Variants in C2orf76 observed in about 807,000 individuals in gnomAD.
C2orf76 encodes chromosome 2 open reading frame 76.
Under a neutral mutation model 16.9 loss-of-function variants are expected in C2orf76, and 23 were observed. The ratio of observed to expected loss-of-function variants is 1.36; its 90% CI spans 0.98 to 1.93. The LOEUF (loss-of-function observed/expected upper bound fraction) is 1.93. C2orf76 is among the 30% of genes most tolerant of loss of function. The probability of loss-of-function intolerance (pLI) is 0.00; values close to 1 mark genes in which losing one functional copy is unlikely to be tolerated. For missense variants in C2orf76, 152 were observed against 152.6 expected, an observed-to-expected ratio of 1.00 and a Z score of 0.02; for synonymous variants, 48 against 52.3, an observed-to-expected ratio of 0.92 and a Z score of 0.35.
chr2:119,291,020 G>A, the C2orf76 span, among the ~76,000 whole-genome samples: 5 of 151,780 alleles, frequency 3.3e-5, no homozygotes, highest in Non-Finnish European at 7.4e-5. Context: ...ACACCGGCTC[G>A]GCCTCATCAG....
the C2orf76 span, among the ~76,000 whole-genome samples, chr2:119,281,953 A>C: frequency 6.6e-6 from 1 of 152,060 alleles, no homozygotes; most frequent in African/African-American, 2.4e-5. Context: ...CATGTTGTAC[A>C]TGTTCTGGAA....
chr2:119,302,388 A>T lies in C2orf76; in HGVS notation c.*84T>A. On this transcript the variant is annotated 3_prime_UTR_variant, in exon 6 of 6. Coordinates refer to ENST00000334816, the MANE Select transcript of C2orf76 (RefSeq NM_001322331.2). ...AGTATAGCCTGGGATTAATTTTTTA[A>T]GATTTGTTTGTCAATTTCAAAAATT... 1 of 591,238 alleles carries T rather than the reference A, an allele frequency of 1.7e-6. No individual in the cohort carries two copies. The highest frequency in any genetic ancestry group is 1.9e-5 in the African/African-American group (1 of 51,514). The allele number at this position is 591,238 out of a possible 1,614,324, so 36.6% of individuals were successfully genotyped here.
At position 119,361,469 on chromosome 2, in the gene C2orf76, C is replaced by T. The variant is rs574955296; in HGVS notation, c.-13+5321G>A. ...AGGTGAAAATATCCTGGGAAGAAAA[C>T]GATAAAAAAATACGGATACACACAC... On this transcript the variant is annotated intron_variant, in intron 1 of 5. Transcript: ENST00000334816. Among the ~76,000 whole-genome samples the T allele has an allele frequency of 1.3e-3, 199 of 151,724 alleles. 1 individual carries two copies. The highest frequency in any genetic ancestry group is 4.6e-3 in the African/African-American group (192 of 41,324).
Position 119,302,291 on chromosome 2 carries a change from A to G in C2orf76, c.*181T>C. On this transcript the variant is annotated 3_prime_UTR_variant, in exon 6 of 6. Transcript: ENST00000334816. ...TGTTTTTCTCATAATATATTATTTT[A>G]CAACAACAAAGAAAAAGAAAGAGAG... The G allele has an allele frequency of 2.6e-6, 1 of 380,448 alleles. No homozygotes were observed. Among genetic ancestry groups the G allele is most frequent in the Non-Finnish European group, 4.7e-6 (1 of 214,380 alleles). The allele number at this position is 380,448 out of a possible 1,614,324, so 23.6% of individuals were successfully genotyped here.
chr2:119,292,768 C>A, the C2orf76 span, among the ~76,000 whole-genome samples: 1 of 152,162 alleles, frequency 6.6e-6, no homozygotes, highest in Admixed American at 6.5e-5. Flanking sequence ...GGTGCGGTGG[C>A]TCATGCCTGT....
chr2:119,332,224 T>A (rs1473797122), intron 2 of C2orf76, among the ~76,000 whole-genome samples: 1 of 152,130 alleles, frequency 6.6e-6, no homozygotes, highest in Non-Finnish European at 1.5e-5. Context: ...AATTTGTAAC[T>A]TATTATTGGA....
At chr2:119,299,546 A>T (rs1044250065), downstream of C2orf76, among the ~76,000 whole-genome samples, 1 of 152,176 alleles carries the variant, frequency 6.6e-6, no homozygotes, top group Admixed American at 6.5e-5. Context: ...TGGAGGCTAC[A>T]AGTCTGAAAT....
intron 2 of C2orf76, among the ~76,000 whole-genome samples, chr2:119,331,967 G>A (rs780090764): frequency 9.9e-5 from 15 of 151,900 alleles, no homozygotes; most frequent in Non-Finnish European, 1.9e-4. Context: ...TAGAAAGGAA[G>A]GTCACGAGAA....
At chr2:119,366,101 C>A (rs561052292) in intron 1 of C2orf76, among the ~76,000 whole-genome samples, 1 of 152,178 alleles carries the variant, frequency 6.6e-6, no homozygotes, top group African/African-American at 2.4e-5. Context: ...AAACTATAAA[C>A]TTCCAACTCT....
At chr2:119,306,820 C>G (rs566977430) in intron 5 of C2orf76, among the ~76,000 whole-genome samples, 4 of 152,072 alleles carry the variant, frequency 2.6e-5, no homozygotes, top group Non-Finnish European at 5.9e-5. Context: ...TAGAATGTTC[C>G]ACGGGGATCT....
intron 5 of C2orf76, among the ~76,000 whole-genome samples, chr2:119,309,504 C>A (rs1284411852): frequency 7.2e-6 from 1 of 139,352 alleles, no homozygotes. Flanking sequence ...ACTGCACCCT[C>A]TACCTTCCAG....
intron 1 of C2orf76, among the ~76,000 whole-genome samples, chr2:119,360,748 A>G (rs1558800029): frequency 3.3e-5 from 5 of 152,210 alleles, no homozygotes; most frequent in South Asian, 2.1e-4. Context: ...TAGCCTTCAA[A>G]GAGTGAATGG....
intron 4 of C2orf76, 76 bp from the exon 5 acceptor site, chr2:119,311,779 G>A (rs868312104): frequency 7.6e-7 from 1 of 1,317,390 alleles, no homozygotes; most frequent in Non-Finnish European, 1.0e-6. Context: ...CAAAGACACA[G>A]AGTTGTAACT....
intron 1 of C2orf76, among the ~76,000 whole-genome samples, chr2:119,360,130 C>T (rs142865190): frequency 3.7e-4 from 56 of 152,276 alleles, no homozygotes; most frequent in African/African-American, 1.3e-3. Context: ...GATCATGACT[C>T]GTTGAAGTCA....
chr2:119,363,349 G>A (rs920738446), intron 1 of C2orf76, among the ~76,000 whole-genome samples: 5 of 151,088 alleles, frequency 3.3e-5, no homozygotes, highest in Admixed American at 6.6e-5. Flanking sequence ...GCGTGAACCC[G>A]GGAGGCGGAG....
At chr2:119,347,538 C>T (rs1680243763) in intron 1 of C2orf76, among the ~76,000 whole-genome samples, 1 of 151,560 alleles carries the variant, frequency 6.6e-6, no homozygotes, top group Non-Finnish European at 1.5e-5. Flanking sequence ...TTTCAAATAC[C>T]CTAGCAGAGG....
chr2:119,353,186 C>T (rs1680458606), intron 1 of C2orf76, among the ~76,000 whole-genome samples: 1 of 151,894 alleles, frequency 6.6e-6, no homozygotes, highest in South Asian at 2.1e-4. Flanking sequence ...TTGTTTAAGG[C>T]CAGGGGTGAT....
chr2:119,315,295 A>G (rs1679132971), intron 4 of C2orf76, among the ~76,000 whole-genome samples: 1 of 152,170 alleles, frequency 6.6e-6, no homozygotes, highest in Non-Finnish European at 1.5e-5. Flanking sequence ...AGTAACTGCA[A>G]TTAGGAAAGT....
At chr2:119,306,277 G>C (rs892657910) in intron 5 of C2orf76, among the ~76,000 whole-genome samples, 1 of 152,334 alleles carries the variant, frequency 6.6e-6, no homozygotes, top group Admixed American at 6.5e-5. Context: ...CGAAAGAGAA[G>C]GGGGAGCCAC....
Sources: allele counts gnomAD v4.1 joint callset (sites outside exome capture counted in the v4.1 genomes callset), GRCh38; gene constraint gnomAD v4.1.1; transcripts MANE v1.5; gene names NCBI Gene and HGNC (gene_info 2026-07-23, HGNC 2026-07-21).